CCNY: variants seen among roughly 807,000 people sequenced by gnomAD.
The protein encoded by CCNY is cyclin-Y.
In CCNY, 19 loss-of-function variants were observed where a neutral mutation model predicts 42.8. That is an observed-to-expected ratio of 0.44 (90% confidence interval 0.31 to 0.65). The LOEUF is 0.65. Among genes scored for constraint, CCNY ranks in the 30% least tolerant of loss-of-function variants. The pLI is 0.07. For synonymous variants in CCNY, 165 were observed against 162.7 expected (o/e 1.01, Z -0.11); for missense variants, 370 against 437.3 (o/e 0.85, Z 1.37).
intron 3 of CCNY, among the ~76,000 whole-genome samples, chr10:35,284,266 G>T (rs1428422353): frequency 6.6e-6 from 1 of 151,994 alleles, no homozygotes; most frequent in Non-Finnish European, 1.5e-5. Flanking sequence ...CTCATTGCCT[G>T]GGTTATGCTG....
intron 1 of CCNY, among the ~76,000 whole-genome samples, chr10:35,388,831 G>A (rs1233893098): frequency 6.6e-6 from 1 of 152,168 alleles, no homozygotes; most frequent in East Asian, 1.9e-4. Context: ...GGGAGAATCT[G>A]TTTCCTTGCC....
chr10:35,560,046 C>T (rs898373262), intron 8 of CCNY, among the ~76,000 whole-genome samples: 2 of 152,156 alleles, frequency 1.3e-5, no homozygotes, highest in African/African-American at 4.8e-5. Context: ...TATGCCTGTG[C>T]CACCATTGTA....
Position 35,549,161 on chromosome 10 carries a change from T to G in CCNY, c.580-3858T>G, listed in dbSNP as rs113380822. On this transcript the variant is annotated intron_variant, in intron 7 of 9. Coordinates refer to ENST00000374704, the MANE Select transcript of CCNY (RefSeq NM_145012.6). ...TCTCTCGAAGAGGCAGAGAAGAGTC[T>G]GACCTGCCCCTCCCCACCTCACCAG... is the stretch of plus-strand genomic sequence containing the variant. Among the ~76,000 whole-genome samples, 465 of 127,666 alleles carry G rather than the reference T, an allele frequency of 3.6e-3. 4 individuals carry two copies. The highest frequency in any genetic ancestry group is 0.013 in the African/African-American group (439 of 33,218). The allele number at this position is 127,666 out of a possible 152,430, so 83.8% of individuals were successfully genotyped here.
At chr10:35,480,021 A>G (rs574813128) in intron 1 of CCNY, among the ~76,000 whole-genome samples, 122 of 151,916 alleles carry the variant, frequency 8.0e-4, no homozygotes, top group African/African-American at 2.6e-3. Flanking sequence ...CCAAGGAGGT[A>G]GAGTTCCCAT....
chr10:35,465,999 G>T (rs1839261763), intron 1 of CCNY, among the ~76,000 whole-genome samples: 1 of 151,492 alleles, frequency 6.6e-6, no homozygotes, highest in Non-Finnish European at 1.5e-5. Context: ...GCTGTGGAAA[G>T]AAGCTCCTTG....
At chr10:35,326,389 C>A (rs952895389) in intron 3 of CCNY, among the ~76,000 whole-genome samples, 1 of 152,088 alleles carries the variant, frequency 6.6e-6, no homozygotes, top group African/African-American at 2.4e-5. Flanking sequence ...AACGGCAGGG[C>A]GCTCAAAAGG....
chr10:35,399,015 G>A (rs977416140), intron 1 of CCNY, among the ~76,000 whole-genome samples: 2 of 152,206 alleles, frequency 1.3e-5, no homozygotes, highest in African/African-American at 4.8e-5. Flanking sequence ...TATAGCGTAG[G>A]CTTGTAGCAG....
Position 35,485,737 on chromosome 10 carries a change from A to C in CCNY, c.229+2259A>C, listed in dbSNP as rs938849958. ...GAGACTCCGTCTCAAAAAAAAAAAA[A>C]AACAAAAAAAAAAAACACGTAGATT... is the stretch of plus-strand genomic sequence containing the variant. On this transcript the variant is annotated intron_variant, in intron 2 of 9. Transcript: ENST00000374704. Among the ~76,000 whole-genome samples the C allele has an allele frequency of 2.3e-3, 336 of 148,776 alleles. 1 individual carries two copies. The highest frequency in any genetic ancestry group is 8.2e-3 in the African/African-American group (314 of 38,498).
chr10:35,338,039 C>G (rs2135115072), intron 1 of CCNY, among the ~76,000 whole-genome samples: 1 of 152,316 alleles, frequency 6.6e-6, no homozygotes, highest in Admixed American at 6.5e-5. Flanking sequence ...ATTTATGCAT[C>G]ATGCTTAAAA....
intron 2 of CCNY, among the ~76,000 whole-genome samples, chr10:35,491,744 G>T (rs1309764118): frequency 1.3e-5 from 2 of 151,996 alleles, no homozygotes; most frequent in Non-Finnish European, 2.9e-5. Context: ...CTCCCGAGTA[G>T]CTGGGACTAC....
chr10:35,251,659 G>A (rs1166653105), intron 3 of CCNY, among the ~76,000 whole-genome samples: 1 of 150,200 alleles, frequency 6.7e-6, no homozygotes, highest in African/African-American at 2.5e-5. Context: ...TACAATCACA[G>A]CTCACTGCAG....
At chr10:35,290,273 T>G (rs1449227622) in intron 3 of CCNY, among the ~76,000 whole-genome samples, 1 of 111,446 alleles carries the variant, frequency 9.0e-6, no homozygotes, top group East Asian at 2.9e-4. Flanking sequence ...CAAAATTAGC[T>G]GGGCATCGCG....
At chr10:35,543,731 C>T (rs761388174) in intron 7 of CCNY, among the ~76,000 whole-genome samples, 4 of 151,798 alleles carry the variant, frequency 2.6e-5, no homozygotes, top group African/African-American at 4.8e-5. Flanking sequence ...AACTGTGAAA[C>T]AGCCTTAGGC....
At chr10:35,399,169 G>C (rs1359917963) in intron 1 of CCNY, among the ~76,000 whole-genome samples, 3 of 152,166 alleles carry the variant, frequency 2.0e-5, no homozygotes, top group Admixed American at 6.5e-5. Context: ...TTAACCATGT[G>C]TGCTTGACGG....
intron 1 of CCNY, among the ~76,000 whole-genome samples, chr10:35,406,943 A>G (rs917262295): frequency 6.6e-6 from 1 of 151,964 alleles, no homozygotes; most frequent in Non-Finnish European, 1.5e-5. Flanking sequence ...TCGGGAGCGG[A>G]TTGGGTAATA....
intron 2 of CCNY, among the ~76,000 whole-genome samples, chr10:35,500,862 A>C (rs1049037257): frequency 2.0e-5 from 3 of 151,672 alleles, no homozygotes; most frequent in Admixed American, 2.0e-4. Flanking sequence ...CCACCTTGTT[A>C]GAGCAGTATC....
At chr10:35,460,352 A>G (rs1344681042) in intron 1 of CCNY, among the ~76,000 whole-genome samples, 2 of 152,230 alleles carry the variant, frequency 1.3e-5, no homozygotes, top group African/African-American at 2.4e-5. Context: ...AAACAGTGTC[A>G]TCATACCTAG....
chr10:35,403,727 C>G (rs993935584), intron 1 of CCNY, among the ~76,000 whole-genome samples: 1 of 152,112 alleles, frequency 6.6e-6, no homozygotes, highest in Non-Finnish European at 1.5e-5. Flanking sequence ...GGTCTCTTTG[C>G]AAGAGTGAGG....
At chr10:35,253,199 C>T (rs1049888998) in intron 3 of CCNY, among the ~76,000 whole-genome samples, 1 of 152,080 alleles carries the variant, frequency 6.6e-6, no homozygotes, top group East Asian at 1.9e-4. Flanking sequence ...TCTTCCAACA[C>T]CTTGAATTTT....
Sources: allele counts gnomAD v4.1 joint callset (sites outside exome capture counted in the v4.1 genomes callset), GRCh38; gene constraint gnomAD v4.1.1; transcripts MANE v1.5; gene names NCBI Gene and HGNC (gene_info 2026-07-23, HGNC 2026-07-21).